Variants in MDGA2 observed in about 807,000 individuals in gnomAD.
The protein encoded by MDGA2 is MAM domain containing glycosylphosphatidylinositol anchor 2.
A neutral mutation model predicts 117.8 loss-of-function variants in MDGA2; 40 were observed. That is an observed-to-expected ratio of 0.34 (90% CI 0.26 to 0.44). The LOEUF (loss-of-function observed/expected upper bound fraction) is 0.44. MDGA2 is among the 20% of genes least tolerant of loss of function. The pLI is 1.00. For synonymous variants in MDGA2, 452 were observed against 439.0 expected, an observed-to-expected ratio of 1.03 and a Z score of -0.37; for missense variants, 1,123 against 1,250.6, an observed-to-expected ratio of 0.90 and a Z score of 1.54.
At chr14:47,452,234 T>C (rs1412767238) in intron 1 of MDGA2, among the ~76,000 whole-genome samples, 2 of 152,030 alleles carry the variant, frequency 1.3e-5, no homozygotes, top group Non-Finnish European at 2.9e-5. Context: ...ATTCAAAACA[T>C]GTTCATAAGA....
At chr14:47,612,255 G>GATAA (rs1305387831) in intron 1 of MDGA2, among the ~76,000 whole-genome samples, 3 of 151,226 alleles carry the variant, frequency 2.0e-5, no homozygotes, top group Non-Finnish European at 4.4e-5. Flanking sequence ...TAGATAGATA[G>GATAA]ATCTTCTGTG....
chr14:47,039,122 ATAATTT>A (rs774976142), intron 7 of MDGA2, among the ~76,000 whole-genome samples: 2 of 152,140 alleles, frequency 1.3e-5, no homozygotes, highest in Non-Finnish European at 2.9e-5. Context: ...AATTGTTCTT[ATAATTT>A]TTTCTGTTGA....
intron 1 of MDGA2, among the ~76,000 whole-genome samples, chr14:47,474,062 G>A (rs1893785105): frequency 1.3e-5 from 2 of 152,078 alleles, no homozygotes; most frequent in Admixed American, 6.6e-5. Context: ...CAGATGACAC[G>A]ATCCTATATC....
At chr14:47,482,873 A>G (rs1214644117) in intron 1 of MDGA2, among the ~76,000 whole-genome samples, 2 of 151,242 alleles carry the variant, frequency 1.3e-5, no homozygotes, top group African/African-American at 4.8e-5. Context: ...AGGCAAGAAG[A>G]TTTTCTGAAG....
chr14:47,316,325 A>G (rs1366374272), intron 1 of MDGA2, among the ~76,000 whole-genome samples: 4 of 152,112 alleles, frequency 2.6e-5, no homozygotes, highest in Non-Finnish European at 5.9e-5. Context: ...AATTTCTACA[A>G]AATCCAAAGA....
chr14:47,356,613 C>G (rs1486555130), intron 1 of MDGA2, among the ~76,000 whole-genome samples: 9 of 152,150 alleles, frequency 5.9e-5, no homozygotes, highest in African/African-American at 2.2e-4. Flanking sequence ...CTGCCTGAAC[C>G]TATCTCAGCA....
At chr14:47,046,601 A>AG (rs1889274883) in intron 7 of MDGA2, among the ~76,000 whole-genome samples, 4 of 139,034 alleles carry the variant, frequency 2.9e-5, no homozygotes, top group Middle Eastern at 3.5e-3. Context: ...AAAGTATAAT[A>AG]AAAATAAATA....
chr14:47,421,214 G>GT (rs902556428), intron 1 of MDGA2, among the ~76,000 whole-genome samples: 9 of 152,174 alleles, frequency 5.9e-5, no homozygotes, highest in East Asian at 1.9e-4. Context: ...TACCTGAAAT[G>GT]TTTTTTACAT....
chr14:47,177,659 G>A (rs1884527844), intron 3 of MDGA2, among the ~76,000 whole-genome samples: 1 of 152,110 alleles, frequency 6.6e-6, no homozygotes, highest in Non-Finnish European at 1.5e-5. Context: ...GTGGCATGAG[G>A]GCAGTGGGGA....
chr14:46,864,810 G>A (rs1881678986), intron 14 of MDGA2, among the ~76,000 whole-genome samples: 1 of 151,824 alleles, frequency 6.6e-6, no homozygotes. Flanking sequence ...ATATCTAAAT[G>A]GAGAACACTA....
intron 14 of MDGA2, among the ~76,000 whole-genome samples, chr14:46,861,338 C>G (rs1308268812): frequency 1.3e-5 from 2 of 151,738 alleles, no homozygotes; most frequent in Non-Finnish European, 3.0e-5. Context: ...TATAGGGTAT[C>G]GTGCCAGTAC....
At chr14:47,407,429 TTC>T (rs1383821615) in intron 1 of MDGA2, among the ~76,000 whole-genome samples, 3 of 152,170 alleles carry the variant, frequency 2.0e-5, no homozygotes, top group Admixed American at 1.3e-4. Context: ...TTACTTTTTA[TTC>T]TGTTTGCTTA....
At chr14:47,374,880 C>T (rs1891441637) in intron 1 of MDGA2, among the ~76,000 whole-genome samples, 1 of 152,018 alleles carries the variant, frequency 6.6e-6, no homozygotes, top group South Asian at 2.1e-4. Flanking sequence ...CATTACTTAT[C>T]CAAGTGTGAG....
At chr14:46,922,531 T>C (rs1016927388) in intron 9 of MDGA2, among the ~76,000 whole-genome samples, 3 of 152,316 alleles carry the variant, frequency 2.0e-5, no homozygotes, top group Admixed American at 6.5e-5. Flanking sequence ...AAAAAGTTCC[T>C]CTTGAAAGGC....
At chr14:47,402,741 T>TG (rs1489616154) in intron 1 of MDGA2, among the ~76,000 whole-genome samples, 1 of 152,120 alleles carries the variant, frequency 6.6e-6, no homozygotes, top group Non-Finnish European at 1.5e-5. Flanking sequence ...AAAATTTGCA[T>TG]GGAATAGGGA....
chr14:47,408,486 G>T (rs1346523387), intron 1 of MDGA2, among the ~76,000 whole-genome samples: 1 of 152,216 alleles, frequency 6.6e-6, no homozygotes, highest in Non-Finnish European at 1.5e-5. Flanking sequence ...GCCTAAGAAA[G>T]ATTTAATGAG....
At chr14:46,981,005 A>G (rs1272743225) in intron 8 of MDGA2, among the ~76,000 whole-genome samples, 1 of 152,154 alleles carries the variant, frequency 6.6e-6, no homozygotes, top group Non-Finnish European at 1.5e-5. Flanking sequence ...ACTTTTGACC[A>G]TCTTTGACTT....
At chr14:46,921,187 A>C (rs1884114114) in intron 9 of MDGA2, among the ~76,000 whole-genome samples, 1 of 152,210 alleles carries the variant, frequency 6.6e-6, no homozygotes, top group African/African-American at 2.4e-5. Context: ...TGGCCTCCTC[A>C]TTCATGGAAA....
intron 1 of MDGA2, among the ~76,000 whole-genome samples, chr14:47,611,555 G>A (rs1896849345): frequency 2.0e-5 from 3 of 151,936 alleles, no homozygotes; most frequent in African/African-American, 4.8e-5. Context: ...AGGACAAGAA[G>A]AGACAATTCT....
Sources: allele counts gnomAD v4.1 joint callset (sites outside exome capture counted in the v4.1 genomes callset), GRCh38; gene constraint gnomAD v4.1.1; transcripts MANE v1.5; gene names NCBI Gene and HGNC (gene_info 2026-07-23, HGNC 2026-07-21).